DOCK9: variants seen among roughly 807,000 people sequenced by gnomAD.
DOCK9 encodes the protein dedicator of cytokinesis 9.
DOCK9 carries 89 observed loss-of-function variants against 263.3 expected under a neutral mutation model. The ratio of observed to expected loss-of-function variants is 0.34; its 90% CI spans 0.28 to 0.40. The LOEUF (loss-of-function observed/expected upper bound fraction) is 0.40, where lower values mean the gene tolerates loss of function less well. DOCK9 is among the 10% of genes least tolerant of loss of function. The pLI, the probability that DOCK9 is intolerant of heterozygous loss-of-function variation, is 1.00. For synonymous variants in DOCK9, 976 were observed against 973.1 expected, an observed-to-expected ratio of 1.00 and a Z score of -0.06; for missense variants, 2,140 against 2,603.4, an observed-to-expected ratio of 0.82 and a Z score of 3.87.
intron 1 of DOCK9, among the ~76,000 whole-genome samples, chr13:99,026,150 C>CT (rs1886688630): frequency 6.6e-6 from 1 of 151,332 alleles, no homozygotes; most frequent in Non-Finnish European, 1.5e-5. Flanking sequence ...GGGGTGATGG[C>CT]TAAGGGGTCC....
At chr13:98,936,746 G>A (rs2140422722) in intron 2 of DOCK9, among the ~76,000 whole-genome samples, 1 of 152,164 alleles carries the variant, frequency 6.6e-6, no homozygotes, top group South Asian at 2.1e-4. Flanking sequence ...ATTACAAAAA[G>A]TTATCTGGTC....
chr13:98,947,848 T>A (rs1244749652), intron 2 of DOCK9, among the ~76,000 whole-genome samples: 1 of 152,126 alleles, frequency 6.6e-6, no homozygotes, highest in Admixed American at 6.5e-5. Flanking sequence ...GGTCTAAGCC[T>A]AGACATGAAC....
chr13:98,845,538 G>A (rs2093362251), intron 38 of DOCK9, among the ~76,000 whole-genome samples: 1 of 152,174 alleles, frequency 6.6e-6, no homozygotes, highest in Admixed American at 6.5e-5. Context: ...GATCAGAAGG[G>A]GTGAAAGAAA....
intron 7 of DOCK9, among the ~76,000 whole-genome samples, chr13:98,920,517 G>A (rs1320209186): frequency 3.3e-5 from 5 of 152,238 alleles, no homozygotes; most frequent in African/African-American, 4.8e-5. Flanking sequence ...GCAGGGATTT[G>A]AACTCAATCT....
At chr13:98,806,473 C>T (rs999441468) in intron 48 of DOCK9, among the ~76,000 whole-genome samples, 1 of 152,132 alleles carries the variant, frequency 6.6e-6, no homozygotes, top group African/African-American at 2.4e-5. Flanking sequence ...AATGGCTGTG[C>T]AGAGCACATG....
At chr13:99,077,921 G>A (rs2041975488) in intron 1 of DOCK9, among the ~76,000 whole-genome samples, 2 of 152,098 alleles carry the variant, frequency 1.3e-5, no homozygotes, top group African/African-American at 4.8e-5. Context: ...GGAGTCCTTG[G>A]CCCATAACGA....
chr13:98,916,204 G>A (rs2050865029), intron 7 of DOCK9, among the ~76,000 whole-genome samples: 1 of 152,196 alleles, frequency 6.6e-6, no homozygotes, highest in South Asian at 2.1e-4. Flanking sequence ...CACTTGGGCA[G>A]CCAATTCTTT....
In DOCK9 at chr13:98,903,067, C is replaced by A; in HGVS notation, c.1081G>T (p.Glu361Ter). Residue 361 changes from glutamate (E) to a stop codon, truncating the protein, a stop_gained, in exon 11 of 53, where the codon GAG (glutamate) becomes TAG (stop). Transcript: ENST00000682017. LOFTEE classifies it high-confidence loss of function. ...ACAAGGATCCTTTTTCCAAACTTCT[C>A]TTCAAATGACTTCACTTCTGGCTCA... ...SAEPEVKSFE[E>*]KFGKRILVKC... 6.5e-7 allele frequency: 1 copy of A among 1,533,104 alleles called. No homozygotes were observed. Among genetic ancestry groups the A allele is most frequent in the East Asian group, 2.5e-5 (1 of 39,774 alleles). The allele number at this position is 1,533,104 out of a possible 1,614,324, so 95.0% of individuals were successfully genotyped here.
chr13:99,063,169 G>A (rs746813793), intron 1 of DOCK9, among the ~76,000 whole-genome samples: 11 of 152,218 alleles, frequency 7.2e-5, no homozygotes, highest in Non-Finnish European at 1.5e-4. Flanking sequence ...GAAGGCTTGT[G>A]CAGTAAGTCT....
chr13:98,883,218 T>G, intron 22 of DOCK9, 87 bp from the exon 23 acceptor site: 2 of 1,207,578 alleles, frequency 1.7e-6, no homozygotes, highest in Non-Finnish European at 2.4e-6. Context: ...GCAGCATGCT[T>G]TTTTGCTGTA....
chr13:98,940,707 T>TC (rs965469883), intron 2 of DOCK9, among the ~76,000 whole-genome samples: 2 of 150,844 alleles, frequency 1.3e-5, no homozygotes, highest in Non-Finnish European at 3.0e-5. Flanking sequence ...CTGCTCCTCT[T>TC]CACTGGCACC....
At position 98,830,822 on chromosome 13, in the gene DOCK9, T is replaced by C. The variant is rs373184721; in HGVS notation, c.4635+526A>G. 1.7e-3 allele frequency among the ~76,000 whole-genome samples: 255 copies of C among 152,218 alleles called. 2 individuals are homozygous for C. The South Asian group carries it at 0.022, about 13-fold the overall frequency. On this transcript the variant is annotated intron_variant, in intron 41 of 52. Coordinates refer to ENST00000682017, the MANE Select transcript of DOCK9 (RefSeq NM_001366683.2). ...CCACGAATCCTATGTGGACAATAAATATTGTTTTTTAAAAAAAGGGTTAAA... is the reference window on the plus strand; with the variant it reads ...CCACGAATCCTATGTGGACAATAAACATTGTTTTTTAAAAAAAGGGTTAAA...
At chr13:98,863,194 G>A (rs2141953579) in intron 31 of DOCK9, 62 bp from the exon 32 acceptor site, 1 of 1,513,362 alleles carries the variant, frequency 6.6e-7, no homozygotes, top group Non-Finnish European at 9.1e-7. Flanking sequence ...CTAAGTTGGT[G>A]CTGACCATCT....
chr13:99,066,198 T>C (rs932692750), intron 1 of DOCK9, among the ~76,000 whole-genome samples: 3 of 152,326 alleles, frequency 2.0e-5, no homozygotes, highest in African/African-American at 7.2e-5. Context: ...GTGGTGTTTT[T>C]CTAGAAACAA....
At chr13:99,028,485 C>T (rs538452022) in intron 1 of DOCK9, among the ~76,000 whole-genome samples, 1 of 152,182 alleles carries the variant, frequency 6.6e-6, no homozygotes, top group East Asian at 1.9e-4. Context: ...GAACAGGTAA[C>T]AGGAGAAGAA....
intron 4 of DOCK9, 86 bp downstream of exon 4, chr13:98,925,751 T>G: frequency 1.2e-6 from 1 of 869,366 alleles, no homozygotes; most frequent in South Asian, 1.9e-5. Context: ...CCTCAATTAC[T>G]CTGATTGCAT....
chr13:98,866,813 C>T (rs2094040151), intron 30 of DOCK9, among the ~76,000 whole-genome samples: 1 of 152,136 alleles, frequency 6.6e-6, no homozygotes, highest in South Asian at 2.1e-4. Context: ...GTTTGTTTTA[C>T]TTCTTAAAGA....
chr13:98,933,342 C>T (rs1163803584), intron 2 of DOCK9, among the ~76,000 whole-genome samples: 1 of 151,572 alleles, frequency 6.6e-6, no homozygotes, highest in Non-Finnish European at 1.5e-5. Flanking sequence ...TTTTTATTCT[C>T]TTATATCAAA....
chr13:98,911,933 G>A (rs1167006762), intron 9 of DOCK9, among the ~76,000 whole-genome samples: 1 of 147,938 alleles, frequency 6.8e-6, no homozygotes, highest in Non-Finnish European at 1.5e-5. Context: ...GCAGTGGCAT[G>A]ATCTCAGCTC....
Sources: gnomAD v4.1 joint callset for allele counts (sites outside exome capture counted in the v4.1 genomes callset) on GRCh38, gnomAD v4.1.1 for gene constraint, MANE v1.5 for transcripts, NCBI Gene and HGNC (gene_info 2026-07-23, HGNC 2026-07-21) for gene names.